AOPEP: variants seen among roughly 807,000 people sequenced by gnomAD.
AOPEP encodes aminopeptidase O (putative).
Under a neutral mutation model 98.1 loss-of-function variants are expected in AOPEP, and 77 were observed. The ratio of observed to expected loss-of-function variants is 0.78; its 90% CI spans 0.65 to 0.95. The LOEUF (loss-of-function observed/expected upper bound fraction) is 0.95. Among genes scored for constraint, AOPEP ranks in the 40% least tolerant of loss-of-function variants. The pLI is 0.00. For missense variants in AOPEP, 1,024 were observed against 1,024.7 expected (o/e 1.00, Z 0.01); for synonymous variants, 346 against 365.3 (o/e 0.95, Z 0.60).
chr9:94,741,573 C>G (rs1262104066), intron 1 of AOPEP, among the ~76,000 whole-genome samples: 1 of 152,056 alleles, frequency 6.6e-6, no homozygotes, highest in Non-Finnish European at 1.5e-5. Flanking sequence ...ACCCGGCCTT[C>G]CCCCTTCTTT....
intron 9 of AOPEP, among the ~76,000 whole-genome samples, chr9:94,965,870 T>C (rs1193865640): frequency 6.6e-6 from 1 of 150,494 alleles, no homozygotes; most frequent in East Asian, 2.0e-4. Flanking sequence ...GAGTCCTGTG[T>C]AGAGTCTGTA....
intron 5 of AOPEP, chr9:94,810,072 G>T (rs760204021): frequency 6.4e-6 from 1 of 155,964 alleles, no homozygotes; most frequent in African/African-American, 2.4e-5. Context: ...CAGGTAAGAA[G>T]GTCAGGAAGA....
At chr9:94,976,212 C>T (rs2059828870) in intron 10 of AOPEP, among the ~76,000 whole-genome samples, 3 of 152,188 alleles carry the variant, frequency 2.0e-5, no homozygotes, top group African/African-American at 7.2e-5. Context: ...AACCTTTGCC[C>T]AGCAGCCATC....
At chr9:95,043,894 A>G (rs1587762427) in intron 13 of AOPEP, among the ~76,000 whole-genome samples, 1 of 152,308 alleles carries the variant, frequency 6.6e-6, no homozygotes, top group South Asian at 2.1e-4. Context: ...GTGGGCCCAC[A>G]TGATCCACCA....
chr9:95,113,387 A>C, the AOPEP span, among the ~76,000 whole-genome samples: 3 of 152,222 alleles, frequency 2.0e-5, no homozygotes, highest in South Asian at 2.1e-4. Flanking sequence ...GAATAAAATT[A>C]TACTCTGAAA....
chr9:94,955,749 C>T (rs375004092), intron 8 of AOPEP, among the ~76,000 whole-genome samples, 159 bp from the exon 9 acceptor site: 8 of 152,166 alleles, frequency 5.3e-5, no homozygotes, highest in East Asian at 3.9e-4. Flanking sequence ...TTCCAGGCCA[C>T]GCCTTCCTGG....
intron 3 of AOPEP, among the ~76,000 whole-genome samples, chr9:94,784,655 G>A (rs1278646905): frequency 2.6e-5 from 4 of 151,674 alleles, no homozygotes; most frequent in African/African-American, 9.7e-5. Context: ...TCACTCTGTC[G>A]CCCAGGCTGG....
At chr9:95,125,581 T>TA in the AOPEP span, among the ~76,000 whole-genome samples, 1 of 152,144 alleles carries the variant, frequency 6.6e-6, no homozygotes, top group Non-Finnish European at 1.5e-5. Context: ...AGTAGGAAAA[T>TA]AATGTGTGTG....
chr9:94,960,133 C>G (rs112783434), intron 9 of AOPEP, among the ~76,000 whole-genome samples: 1 of 151,964 alleles, frequency 6.6e-6, no homozygotes, highest in Non-Finnish European at 1.5e-5. Context: ...AGGAATTGGC[C>G]GGGCACGGTG....
chr9:95,045,360 T>G lies in AOPEP; in HGVS notation c.2116-15334T>G, dbSNP rs763383393. On this transcript the variant is annotated intron_variant, in intron 13 of 16. Transcript: ENST00000375315. Reference sequence around the variant, plus strand: ...GGCGCGCCCCTGCACCCGGCGGGCCTCCGCTGCGTCCACTGCGGACAGGGG... The same window carrying G: ...GGCGCGCCCCTGCACCCGGCGGGCCGCCGCTGCGTCCACTGCGGACAGGGG... Among the ~76,000 whole-genome samples, 4 of 152,336 alleles carry G rather than the reference T, an allele frequency of 2.6e-5. No individual in the cohort carries two copies. The South Asian group carries it at 8.3e-4, about 32-fold the overall frequency.
At chr9:94,797,429 CA>C (rs536953016) in intron 4 of AOPEP, among the ~76,000 whole-genome samples, 5,962 of 97,442 alleles carry the variant, frequency 0.061, 136 homozygotes, top group Admixed American at 0.11. Context: ...GACTCCGTCT[CA>C]AAAAAAAAAA....
At chr9:94,775,465 G>A (rs1176319301) in intron 3 of AOPEP, among the ~76,000 whole-genome samples, 1 of 151,784 alleles carries the variant, frequency 6.6e-6, no homozygotes, top group Non-Finnish European at 1.5e-5. Flanking sequence ...TGCCTCCCGG[G>A]TTCAGGCGAT....
chr9:94,738,414 A>G (rs1832257092), intron 1 of AOPEP, among the ~76,000 whole-genome samples: 1 of 152,130 alleles, frequency 6.6e-6, no homozygotes, highest in African/African-American at 2.4e-5. Context: ...GGCCTCTGAC[A>G]TGAAGTGTTT....
chr9:94,730,991 G>A (rs1830391481), intron 1 of AOPEP, among the ~76,000 whole-genome samples: 1 of 152,198 alleles, frequency 6.6e-6, no homozygotes, highest in South Asian at 2.1e-4. Context: ...GCGCTGAGTA[G>A]GTCATTTTGA....
At chr9:95,045,969 G>C (rs2065829297) in intron 13 of AOPEP, among the ~76,000 whole-genome samples, 1 of 152,224 alleles carries the variant, frequency 6.6e-6, no homozygotes, top group Non-Finnish European at 1.5e-5. Flanking sequence ...AGGAACGCAG[G>C]GTAGGTGCTC....
intron 3 of AOPEP, among the ~76,000 whole-genome samples, chr9:94,792,257 G>C (rs1179754722): frequency 6.6e-6 from 1 of 152,128 alleles, no homozygotes; most frequent in Non-Finnish European, 1.5e-5. Context: ...GAAAACCCAA[G>C]TGTCTCCCTT....
At chr9:94,838,145 A>T (rs2041849309) in intron 5 of AOPEP, among the ~76,000 whole-genome samples, 1 of 152,066 alleles carries the variant, frequency 6.6e-6, no homozygotes, top group Admixed American at 6.6e-5. Context: ...AGTAGCTGGG[A>T]CTACAGGCAC....
At chr9:94,977,235 C>T (rs1395348978) in intron 10 of AOPEP, among the ~76,000 whole-genome samples, 1 of 152,158 alleles carries the variant, frequency 6.6e-6, no homozygotes, top group Non-Finnish European at 1.5e-5. Flanking sequence ...GGTATGAACG[C>T]ACTGTCCCCA....
At chr9:94,770,862 AG>A (rs954178693) in intron 2 of AOPEP, among the ~76,000 whole-genome samples, 1 of 152,138 alleles carries the variant, frequency 6.6e-6, no homozygotes, top group African/African-American at 2.4e-5. Context: ...ACAGTATGGA[AG>A]GGGACTACAC....
Sources: allele counts gnomAD v4.1 joint callset (sites outside exome capture counted in the v4.1 genomes callset), GRCh38; gene constraint gnomAD v4.1.1; transcripts MANE v1.5; gene names NCBI Gene and HGNC (gene_info 2026-07-23, HGNC 2026-07-21).